CPPED1: variants seen among roughly 807,000 people sequenced by gnomAD.
The protein encoded by CPPED1 is calcineurin like phosphoesterase domain containing 1, also known as serine/threonine-protein phosphatase CPPED1.
Under a neutral mutation model 28.0 loss-of-function variants are expected in CPPED1, and 28 were observed. The observed-to-expected ratio is 1.00, with a 90% CI of 0.74 to 1.37. The LOEUF is 1.37. Among genes scored for constraint, CPPED1 ranks in the 40% most tolerant of loss-of-function variants. The pLI is 0.00. For synonymous variants in CPPED1, 198 were observed against 180.2 expected (o/e 1.10, Z -0.79); for missense variants, 504 against 416.5 (o/e 1.21, Z -1.83).
At chr16:12,692,815 A>G (rs1016588217) in intron 3 of CPPED1, among the ~76,000 whole-genome samples, 12 of 152,200 alleles carry the variant, frequency 7.9e-5, no homozygotes, top group Admixed American at 3.3e-4. Context: ...AGAGAATACT[A>G]TAGTCCCCAG....
chr16:12,751,673 G>A (rs1018330081), intron 2 of CPPED1, among the ~76,000 whole-genome samples: 4 of 152,178 alleles, frequency 2.6e-5, no homozygotes, highest in African/African-American at 7.2e-5. Context: ...ATATGCCACT[G>A]TTCTTTGCAT....
At chr16:12,677,569 G>A (rs754289652) in intron 3 of CPPED1, among the ~76,000 whole-genome samples, 2 of 152,226 alleles carry the variant, frequency 1.3e-5, no homozygotes, top group African/African-American at 2.4e-5. Context: ...TTGAACCTGG[G>A]AGGCAGAGGC....
intron 3 of CPPED1, among the ~76,000 whole-genome samples, chr16:12,678,401 G>A (rs1651005): frequency 0.88 from 133,515 of 152,196 alleles, 59,510 homozygotes; most frequent in African/African-American, 0.94. Flanking sequence ...GCATTTCCAC[G>A]GAAATTTTAC....
At chr16:12,785,666 G>T (rs1388093177) in intron 1 of CPPED1, among the ~76,000 whole-genome samples, 2 of 151,282 alleles carry the variant, frequency 1.3e-5, no homozygotes, top group Admixed American at 1.3e-4. Flanking sequence ...GGCCTCAAAT[G>T]ATCTGCCCGC....
At chr16:12,783,510 TTAAA>T (rs148620561) in intron 1 of CPPED1, among the ~76,000 whole-genome samples, 14,293 of 150,976 alleles carry the variant, frequency 0.095, 814 homozygotes, top group African/African-American at 0.15. Flanking sequence ...AATAAATAAA[TTAAA>T]TAAATAAATA....
chr16:12,751,667 G>A (rs529104493), intron 2 of CPPED1, among the ~76,000 whole-genome samples: 3 of 152,276 alleles, frequency 2.0e-5, no homozygotes, highest in South Asian at 2.1e-4. Flanking sequence ...CTTAACATAT[G>A]CCACTGTTCT....
intron 1 of CPPED1, among the ~76,000 whole-genome samples, chr16:12,782,721 G>A (rs1041529219): frequency 1.8e-4 from 28 of 151,956 alleles, no homozygotes; most frequent in Admixed American, 5.2e-4. Flanking sequence ...TTAGCCAGGC[G>A]TGGTGGCTAA....
intron 2 of CPPED1, among the ~76,000 whole-genome samples, chr16:12,776,534 C>T (rs192956582): frequency 5.0e-4 from 76 of 152,188 alleles, no homozygotes; most frequent in Non-Finnish European, 9.1e-4. Context: ...ATGCTGTTGT[C>T]GTGACTGTGA....
At chr16:12,803,685 C>G in intron 1 of CPPED1, 22 bp downstream of exon 1, 8 of 1,518,896 alleles carry the variant, frequency 5.3e-6, no homozygotes, top group Non-Finnish European at 7.1e-6. Flanking sequence ...AGTCCCCTCC[C>G]CGGGTGAGGG....
intron 2 of CPPED1, among the ~76,000 whole-genome samples, chr16:12,731,833 T>G (rs1426772693): frequency 6.7e-6 from 1 of 150,170 alleles, no homozygotes; most frequent in Non-Finnish European, 1.5e-5. Context: ...ACCCCAATGG[T>G]AAGAAACAGA....
intron 2 of CPPED1, among the ~76,000 whole-genome samples, chr16:12,773,657 G>A (rs1445018323): frequency 6.6e-6 from 1 of 152,170 alleles, no homozygotes; most frequent in East Asian, 1.9e-4. Flanking sequence ...GGAGGTGGAG[G>A]CTGCAGTGAG....
chr16:12,666,617 T>C (rs1245403425), intron 3 of CPPED1, among the ~76,000 whole-genome samples: 3 of 152,194 alleles, frequency 2.0e-5, no homozygotes, highest in Non-Finnish European at 2.9e-5. Flanking sequence ...GCCAAGGTGA[T>C]GTCACTGAAC....
chr16:12,803,839 C>G lies in CPPED1; in HGVS notation c.-63G>C. The G allele has an allele frequency of 6.7e-7, 1 of 1,483,386 alleles. No homozygotes were observed. Among genetic ancestry groups the G allele is most frequent in the Non-Finnish European group, 9.2e-7 (1 of 1,092,822 alleles). 91.9% of individuals were successfully genotyped at this position (1,483,386 alleles called of 1,614,324 possible). A position where few individuals can be genotyped will look rare whatever the true frequency, so the allele number is the denominator to read the frequency against. ...TGGGTGGAAGCCGCGCGACTTCACA[C>G]AGAACAACCGCTGGACCTGTCCCGC... is the stretch of plus-strand genomic sequence containing the variant. On this transcript the variant is annotated 5_prime_UTR_variant, in exon 1 of 4. Transcript: ENST00000381774.
chr16:12,738,256 C>G (rs867873988), intron 2 of CPPED1, among the ~76,000 whole-genome samples: 13 of 151,848 alleles, frequency 8.6e-5, no homozygotes, highest in South Asian at 6.3e-4. Flanking sequence ...GCACACAAAA[C>G]CGCAAATAAT....
chr16:12,705,799 G>A (rs1050805396), intron 2 of CPPED1, among the ~76,000 whole-genome samples: 5 of 152,348 alleles, frequency 3.3e-5, no homozygotes, highest in Middle Eastern at 6.8e-3. Context: ...AAGCCACCGC[G>A]CCGGGCAGAA....
At chr16:12,693,128 G>A (rs1268411784) in intron 3 of CPPED1, among the ~76,000 whole-genome samples, 7 of 152,224 alleles carry the variant, frequency 4.6e-5, no homozygotes, top group Admixed American at 2.0e-4. Flanking sequence ...CTGTGCCGAA[G>A]ACCTGGAGAA....
chr16:12,674,503 T>A (rs190300514), intron 3 of CPPED1, among the ~76,000 whole-genome samples: 1 of 152,158 alleles, frequency 6.6e-6, no homozygotes, highest in Admixed American at 6.5e-5. Flanking sequence ...CCGAAATATT[T>A]CTCCTAGTTC....
chr16:12,791,840 T>C (rs1294768590), intron 1 of CPPED1, among the ~76,000 whole-genome samples: 3 of 152,210 alleles, frequency 2.0e-5, no homozygotes, highest in Admixed American at 2.0e-4. Context: ...GTCTGGCACG[T>C]GGCAGGCATC....
chr16:12,712,581 T>C (rs1596456358), intron 2 of CPPED1, among the ~76,000 whole-genome samples: 1 of 152,026 alleles, frequency 6.6e-6, no homozygotes, highest in Admixed American at 6.5e-5. Context: ...ATGTATAGAG[T>C]AATAAACAGG....
Sources: gnomAD v4.1 joint callset for allele counts (sites outside exome capture counted in the v4.1 genomes callset) on GRCh38, gnomAD v4.1.1 for gene constraint, MANE v1.5 for transcripts, NCBI Gene and HGNC (gene_info 2026-07-23, HGNC 2026-07-21) for gene names.